The following SLC16A1 variants were observed in gnomAD, a reference collection of about 807,000 sequenced individuals.
SLC16A1 encodes the protein monocarboxylate transporter 1.
Under a neutral mutation model 32.2 loss-of-function variants are expected in SLC16A1, and 11 were observed. The observed-to-expected ratio is 0.34, with a 90% confidence interval of 0.21 to 0.56. The LOEUF is 0.56. SLC16A1 is among the 20% of genes least tolerant of loss of function. SLC16A1 has a pLI of 0.87. For missense variants in SLC16A1, 435 were observed against 615.0 expected (o/e 0.71, Z 3.10); for synonymous variants, 231 against 226.8 (o/e 1.02, Z -0.17).
intron 1 of SLC16A1, among the ~76,000 whole-genome samples, chr1:112,930,938 C>T (rs532175690): frequency 2.2e-4 from 34 of 152,050 alleles, no homozygotes; most frequent in Non-Finnish European, 4.4e-4. Context: ...AGGCTGGTCT[C>T]GAACTCCTGA....
chr1:112,933,380 C>T (rs570146387), intron 1 of SLC16A1, among the ~76,000 whole-genome samples: 68 of 148,210 alleles, frequency 4.6e-4, no homozygotes, highest in African/African-American at 1.5e-3. Context: ...CGCTTGAACC[C>T]GGGAGGCGGA....
rs763252522 is a variant in SLC16A1, at chr1:112,917,678, C to T, written c.728G>A (p.Arg243Gln). ...CTGATTAATTGTTTGGAAGACTGAT[C>T]GTTTCTCTTGTTTAGGGTGTCTTCC... ...LIGRHPKQEKRSVFQTINQFL... is the reference protein window; with the variant it reads ...LIGRHPKQEKQSVFQTINQFL... Residue 243 changes from arginine (R) to glutamine (Q), a missense_variant, in exon 4 of 5, where the codon CGA becomes CAA. Physicochemically the swap from Arg to Gln is conservative, Grantham distance 43. Around this residue, in one of 2 missense-constraint regions of SLC16A1, gnomAD observed 324 missense variants for 500.3 expected, o/e 0.65. Coordinates refer to ENST00000369626, the MANE Select transcript of SLC16A1 (RefSeq NM_003051.4). The surrounding 1 kb of genome is among the most constrained non-coding windows in gnomAD (Gnocchi z 4.1). 8.1e-6 allele frequency: 13 copies of T among 1,614,200 alleles called. No individual in the cohort carries two copies. The highest frequency in any genetic ancestry group is 1.0e-5 in the Non-Finnish European group (12 of 1,180,040).
chr1:112,950,899 C>G (rs1359637010), intron 1 of SLC16A1, among the ~76,000 whole-genome samples: 3 of 152,092 alleles, frequency 2.0e-5, no homozygotes, highest in Non-Finnish European at 4.4e-5. Context: ...ACTCAAGAGG[C>G]TGAGGTGGCT....
intron 1 of SLC16A1, among the ~76,000 whole-genome samples, chr1:112,939,009 G>C (rs1460805374): frequency 2.0e-5 from 3 of 151,008 alleles, no homozygotes; most frequent in Non-Finnish European, 4.4e-5. Flanking sequence ...TCCTGCCTCA[G>C]CCTCCTCAGT....
intron 2 of SLC16A1, among the ~76,000 whole-genome samples, chr1:112,926,881 AAAATAAAT>A (rs747249752): frequency 7.4e-5 from 11 of 148,398 alleles, no homozygotes; most frequent in Non-Finnish European, 1.0e-4. Flanking sequence ...ACCCTATCTC[AAAATAAAT>A]AAATAAATAA....
At chr1:112,942,775 T>C (rs191450352) in intron 1 of SLC16A1, among the ~76,000 whole-genome samples, 66 of 152,358 alleles carry the variant, frequency 4.3e-4, no homozygotes, top group Admixed American at 1.2e-3. Context: ...TTTAATACTC[T>C]ACAATACCCT....
At chr1:112,924,968 G>GA (rs893159431) in intron 2 of SLC16A1, among the ~76,000 whole-genome samples, 27 of 151,912 alleles carry the variant, frequency 1.8e-4, no homozygotes, top group Admixed American at 1.4e-3. Flanking sequence ...GTACAATTGT[G>GA]AAAAAAAATG....
At chr1:112,948,304 T>G (rs868115318) in intron 1 of SLC16A1, among the ~76,000 whole-genome samples, 6 of 152,148 alleles carry the variant, frequency 3.9e-5, no homozygotes, top group African/African-American at 1.4e-4. Context: ...AAATGTTTAC[T>G]TGCAAAGCTT....
intron 2 of SLC16A1, 70 bp downstream of exon 2, chr1:112,929,020 TTA>T: frequency 2.7e-6 from 3 of 1,106,458 alleles, no homozygotes; most frequent in Non-Finnish European, 3.9e-6. Context: ...TTTTTTTTTT[TTA>T]AAGTTACCTA....
rs1017025429 is a variant in SLC16A1, at chr1:112,912,147, G to GT, written c.*1743dup. Reference sequence around the variant, plus strand: ...GGATGCTCTCAGTTCAAATAAGATGGTTTTAAAATTCCCCTCCTCCTTGCC... The same window carrying GT: ...GGATGCTCTCAGTTCAAATAAGATGGTTTTTAAAATTCCCCTCCTCCTTGCC... On this transcript the variant is annotated 3_prime_UTR_variant, in exon 5 of 5. Coordinates refer to ENST00000369626, the MANE Select transcript of SLC16A1 (RefSeq NM_003051.4). 1 of 152,234 alleles carries GT rather than the reference G, an allele frequency of 6.6e-6. No individual in the cohort carries two copies. Among genetic ancestry groups the GT allele is most frequent in the African/African-American group, 2.4e-5 (1 of 41,458 alleles). 9.4% of individuals were successfully genotyped at this position (152,234 alleles called of 1,614,324 possible).
At chr1:112,953,570 C>T (rs1465172010) in intron 1 of SLC16A1, among the ~76,000 whole-genome samples, 1 of 152,168 alleles carries the variant, frequency 6.6e-6, no homozygotes, top group Admixed American at 6.5e-5. Context: ...CTCCTTGATT[C>T]CTTAAAATGG....
At chr1:112,919,123 C>T (rs1047873700) in intron 3 of SLC16A1, among the ~76,000 whole-genome samples, 31 of 151,920 alleles carry the variant, frequency 2.0e-4, no homozygotes, top group African/African-American at 5.3e-4. Flanking sequence ...CTCCACCTCC[C>T]GGGTTCACAC....
intron 4 of SLC16A1, among the ~76,000 whole-genome samples, chr1:112,915,581 C>A (rs951732292): frequency 6.6e-6 from 1 of 152,112 alleles, no homozygotes; most frequent in African/African-American, 2.4e-5. Flanking sequence ...GAACTGGAGA[C>A]TTCAAGGAGA....
intron 1 of SLC16A1, among the ~76,000 whole-genome samples, chr1:112,948,128 G>A (rs987179866): frequency 2.0e-5 from 3 of 152,146 alleles, no homozygotes; most frequent in Admixed American, 6.6e-5. Flanking sequence ...GCTAAGGCAA[G>A]AGAATCGCTT....
chr1:112,951,251 C>T lies in SLC16A1; in HGVS notation c.-45+4784G>A, dbSNP rs541355251. ...TACAAATGAAAAGTGGGGGGTTGGA[C>T]GAGAAATAACAAAAGGGACAAGAGA... is the stretch of plus-strand genomic sequence containing the variant. On this transcript the variant is annotated intron_variant, in intron 1 of 4. Transcript: ENST00000369626. 1.8e-4 allele frequency among the ~76,000 whole-genome samples: 28 copies of T among 151,562 alleles called. 1 individual carries two copies. The South Asian group carries it at 4.8e-3, about 26-fold the overall frequency.
In SLC16A1 at chr1:112,919,838, T is replaced by C. The variant is rs577002747; in HGVS notation, c.362-1794A>G. Reference sequence around the variant, plus strand: ...TCTCTACTTAAAGTTGATTCTTCAGTGAGCCCTGACCTTCATTGCTTGCCC... The same window carrying C: ...TCTCTACTTAAAGTTGATTCTTCAGCGAGCCCTGACCTTCATTGCTTGCCC... On this transcript the variant is annotated intron_variant, in intron 3 of 4. Coordinates refer to ENST00000369626, the MANE Select transcript of SLC16A1 (RefSeq NM_003051.4). Among the ~76,000 whole-genome samples the C allele has an allele frequency of 9.8e-5, 15 of 152,340 alleles. No homozygotes were observed. In the South Asian group the frequency reaches 3.1e-3, roughly 32 times the overall value.
At chr1:112,916,661 T>C (rs1648522328) in intron 4 of SLC16A1, among the ~76,000 whole-genome samples, 1 of 151,826 alleles carries the variant, frequency 6.6e-6, no homozygotes, top group African/African-American at 2.4e-5. Context: ...CCAGGCACAG[T>C]GGCTCACACC....
At chr1:112,947,773 T>C (rs1236880497) in intron 1 of SLC16A1, among the ~76,000 whole-genome samples, 1 of 152,216 alleles carries the variant, frequency 6.6e-6, no homozygotes, top group Non-Finnish European at 1.5e-5. Context: ...TATCTTTGAC[T>C]TCCCCCATTA....
chr1:112,920,575 T>A (rs1285534203), intron 3 of SLC16A1, among the ~76,000 whole-genome samples: 3 of 151,926 alleles, frequency 2.0e-5, no homozygotes, highest in African/African-American at 7.3e-5. Context: ...CATAGCAGTC[T>A]AGCCTGGCAG....
Sources: gnomAD v4.1 joint callset for allele counts (sites outside exome capture counted in the v4.1 genomes callset) on GRCh38, gnomAD v4.1.1 for gene constraint, gnomAD v4.1.1 regional missense constraint, Gnocchi (gnomAD v3.1) non-coding constraint, MANE v1.5 for transcripts, NCBI Gene and HGNC (gene_info 2026-07-23, HGNC 2026-07-21) for gene names.